The following CPAP variants were observed in gnomAD, a reference collection of about 807,000 sequenced individuals.
CPAP encodes the protein centrosome assembly and centriole elongation protein.
chr13:24,882,977 GAC>G, the CPAP span: 2 of 588,168 alleles, frequency 3.4e-6, no homozygotes, highest in East Asian at 5.8e-5. Context: ...TCTATTGAAA[GAC>G]AGGGTAGTGA....
At chr13:24,932,815 A>G in the CPAP span, among the ~76,000 whole-genome samples, 2 of 152,234 alleles carry the variant, frequency 1.3e-5, no homozygotes, top group African/African-American at 4.8e-5. Flanking sequence ...AAAAGCTAGA[A>G]ATCATTCTTA....
the CPAP span, chr13:24,884,407 T>C: frequency 6.2e-7 from 1 of 1,614,108 alleles, no homozygotes; most frequent in Admixed American, 1.7e-5. Flanking sequence ...TCACTTCCTT[T>C]CGAGTTCCAT....
the CPAP span, among the ~76,000 whole-genome samples, chr13:24,931,105 A>G: frequency 3.3e-5 from 5 of 152,004 alleles, no homozygotes; most frequent in Admixed American, 3.3e-4. Context: ...TCTTTTGCAT[A>G]TTCCCTATTT....
At chr13:24,914,918 T>C in the CPAP span, among the ~76,000 whole-genome samples, 4 of 151,680 alleles carry the variant, frequency 2.6e-5, no homozygotes, top group Non-Finnish European at 5.9e-5. Context: ...AATAAAAATA[T>C]AAAAAAATTA....
the CPAP span, among the ~76,000 whole-genome samples, chr13:24,903,047 G>A: frequency 2.0e-5 from 3 of 152,148 alleles, no homozygotes; most frequent in South Asian, 6.2e-4. Context: ...CTATTCACAA[G>A]TACAATTAAA....
the CPAP span, among the ~76,000 whole-genome samples, chr13:24,903,273 T>C: frequency 2.0e-5 from 3 of 152,176 alleles, no homozygotes; most frequent in South Asian, 2.1e-4. Flanking sequence ...AATAGTGCCT[T>C]TGCAGATACA....
the CPAP span, chr13:24,906,502 A>G: frequency 6.2e-7 from 1 of 1,614,236 alleles, no homozygotes. Flanking sequence ...CTGTGCAGCC[A>G]GTATCGCAAG....
At chr13:24,904,003 T>C in the CPAP span, 2 of 1,614,110 alleles carry the variant, frequency 1.2e-6, no homozygotes, top group South Asian at 1.1e-5. Flanking sequence ...ACTTTTCTAT[T>C]TCTGTTTCCA....
chr13:24,886,703 A>T, the CPAP span, among the ~76,000 whole-genome samples: 1 of 152,308 alleles, frequency 6.6e-6, no homozygotes, highest in East Asian at 1.9e-4. Context: ...ACTAAACTAT[A>T]ACTAAAGCTG....
chr13:24,889,357 G>A, the CPAP span: 1 of 1,612,190 alleles, frequency 6.2e-7, no homozygotes, highest in Non-Finnish European at 8.5e-7. Context: ...TTCTACCTGG[G>A]TTCCTGAAGA....
the CPAP span, chr13:24,925,792 G>C: frequency 6.5e-6 from 1 of 152,700 alleles, no homozygotes; most frequent in Non-Finnish European, 1.5e-5. Context: ...CAGAGGGCAA[G>C]GAGTAGGTAC....
the CPAP span, among the ~76,000 whole-genome samples, chr13:24,931,302 G>GTTTTTTTTTT: frequency 1.1e-4 from 1 of 9,068 alleles, no homozygotes; most frequent in African/African-American, 4.5e-4. Flanking sequence ...ATTTTTTCAT[G>GTTTTTTTTTT]TTTCTTTTTT....
At chr13:24,884,036 T>A in the CPAP span, 6 of 1,614,016 alleles carry the variant, frequency 3.7e-6, no homozygotes, top group South Asian at 2.2e-5. Context: ...TTTTTAACAG[T>A]CTGGTCAGGA....
the CPAP span, chr13:24,912,846 A>T: frequency 6.2e-7 from 1 of 1,614,220 alleles, no homozygotes; most frequent in Non-Finnish European, 8.5e-7. Flanking sequence ...TATCAGAAAA[A>T]TGTGTGCCTT....
chr13:24,884,886 G>A, the CPAP span, among the ~76,000 whole-genome samples: 90 of 152,130 alleles, frequency 5.9e-4, 1 homozygote, highest in African/African-American at 1.9e-3. Context: ...CCTCTAACCT[G>A]TATATATCCC....
the CPAP span, chr13:24,886,296 G>T: frequency 7.8e-7 from 1 of 1,288,800 alleles, no homozygotes; most frequent in Non-Finnish European, 1.0e-6. Context: ...TAACAGAGCT[G>T]GATGTTACGG....
the CPAP span, chr13:24,908,171 A>C: frequency 7.5e-7 from 1 of 1,329,660 alleles, no homozygotes; most frequent in East Asian, 2.3e-5. Flanking sequence ...AAAGCATATT[A>C]ATGTCTTAAA....
the CPAP span, chr13:24,908,044 G>A: frequency 1.2e-6 from 2 of 1,612,238 alleles, no homozygotes; most frequent in South Asian, 1.1e-5. Flanking sequence ...CCACTTCTGA[G>A]GAATCATCAT....
the CPAP span, among the ~76,000 whole-genome samples, chr13:24,910,715 C>T: frequency 6.6e-6 from 1 of 152,234 alleles, no homozygotes; most frequent in Non-Finnish European, 1.5e-5. Flanking sequence ...AAATCAGCTT[C>T]CCTGTCATTC....
Sources: allele counts gnomAD v4.1 joint callset (sites outside exome capture counted in the v4.1 genomes callset), GRCh38; gene constraint gnomAD v4.1.1; transcripts MANE v1.5; gene names NCBI Gene and HGNC (gene_info 2026-07-23, HGNC 2026-07-21).